The following CAPN8 variants were observed in gnomAD, a reference collection of about 807,000 sequenced individuals.
CAPN8 encodes the protein calpain-8.
CAPN8 carries 87 observed loss-of-function variants against 80.9 expected under a neutral mutation model. The ratio of observed to expected loss-of-function variants is 1.07; its 90% CI spans 0.90 to 1.28. CAPN8 has a LOEUF of 1.28. Ranked by LOEUF, CAPN8 falls within the 50% of genes most tolerant of loss-of-function variation. CAPN8 has a pLI of 0.00. For synonymous variants in CAPN8, 299 were observed against 273.8 expected (o/e 1.09, Z -0.91); for missense variants, 757 against 702.0 (o/e 1.08, Z -0.89).
chr1:223,619,237 C>G (rs1220552356), intron 9 of CAPN8, 56 bp downstream of exon 9: 1 of 1,530,928 alleles, frequency 6.5e-7, no homozygotes, highest in Non-Finnish European at 8.8e-7. Flanking sequence ...ATAAAATGAC[C>G]CAGCTCAGGG....
At chr1:223,655,449 G>A (rs961420253) in intron 1 of CAPN8, among the ~76,000 whole-genome samples, 6 of 152,110 alleles carry the variant, frequency 3.9e-5, no homozygotes, top group East Asian at 1.9e-4. Flanking sequence ...TTGAGTGCCC[G>A]TTCTGTATCC....
intron 9 of CAPN8, among the ~76,000 whole-genome samples, chr1:223,618,493 T>C (rs1233221822): frequency 6.6e-6 from 1 of 152,128 alleles, no homozygotes; most frequent in African/African-American, 2.4e-5. Flanking sequence ...AAACACACAG[T>C]GAAACAGCAG....
chr1:223,557,028 G>C (rs951290600), intron 13 of CAPN8, among the ~76,000 whole-genome samples: 1 of 152,120 alleles, frequency 6.6e-6, no homozygotes, highest in African/African-American at 2.4e-5. Flanking sequence ...CCACCAACTC[G>C]AGGCAGGGGG....
At chr1:223,633,123 T>C (rs948331770) in intron 2 of CAPN8, among the ~76,000 whole-genome samples, 2 of 152,216 alleles carry the variant, frequency 1.3e-5, no homozygotes, top group African/African-American at 2.4e-5. Flanking sequence ...AGTTTTCTTA[T>C]TATAAAAGAA....
At chr1:223,612,310 C>G (rs993071960) in intron 10 of CAPN8, 53 bp from the exon 11 acceptor site, 1 of 1,232,878 alleles carries the variant, frequency 8.1e-7, no homozygotes, top group Non-Finnish European at 1.0e-6. Flanking sequence ...GGTCCTCCTT[C>G]TGCTCCTTTT....
In CAPN8 at chr1:223,625,882, T is replaced by C. The variant is rs942199576; in HGVS notation, c.736A>G (p.Ser246Gly). Residue 246 changes from serine to glycine, a missense_variant, in exon 6 of 21, where the codon AGT (serine) becomes GGT (glycine). Transcript: ENST00000366872. ...GTGATGGCTTCGGCTTCGGCTGCAC[T>C]GGAGACCTGCGTAGAGAAGAAAGTC... Reference protein sequence around the residue: ...SLLGCSIDVSSAAEAEAITSQ... With the variant: ...SLLGCSIDVSGAAEAEAITSQ... 2 of 1,551,168 alleles carry C rather than the reference T, an allele frequency of 1.3e-6. No homozygotes were observed. Among genetic ancestry groups the C allele is most frequent in the Non-Finnish European group, 1.7e-6 (2 of 1,146,644 alleles).
intron 1 of CAPN8, 119 bp from the exon 2 acceptor site, chr1:223,654,518 G>T (rs1266931193): frequency 3.6e-6 from 3 of 839,080 alleles, no homozygotes; most frequent in African/African-American, 1.7e-5. Context: ...ATTGTCTACT[G>T]CCCATCACAT....
intron 2 of CAPN8, among the ~76,000 whole-genome samples, chr1:223,635,091 T>G (rs897494331): frequency 2.0e-5 from 3 of 152,236 alleles, no homozygotes; most frequent in African/African-American, 7.2e-5. Context: ...ATGTAAAGAT[T>G]TTGACCCTGC....
chr1:223,626,812 T>G (rs562653873), intron 5 of CAPN8, among the ~76,000 whole-genome samples, 177 bp downstream of exon 5: 1 of 152,036 alleles, frequency 6.6e-6, no homozygotes, highest in Non-Finnish European at 1.5e-5. Flanking sequence ...ACTAATTAGG[T>G]CTTCACCAGC....
intron 19 of CAPN8, 38 bp downstream of exon 19, chr1:223,544,029 G>A: frequency 1.4e-6 from 1 of 715,928 alleles, no homozygotes; most frequent in Non-Finnish European, 2.6e-6. Flanking sequence ...TTGCACCTTG[G>A]GATTAATAGG....
At chr1:223,635,643 A>T (rs1194565384) in intron 2 of CAPN8, among the ~76,000 whole-genome samples, 2 of 139,434 alleles carry the variant, frequency 1.4e-5, no homozygotes, top group Non-Finnish European at 3.1e-5. Context: ...TAAAATTCTT[A>T]CTGACTGAAT....
rs1033440988 is a variant in CAPN8 at position 223,549,348 on chromosome 1, G to T, written c.1734C>A (p.Asn578Lys). The T allele has an allele frequency of 6.4e-7, 1 of 1,551,674 alleles. No homozygotes were observed. The highest frequency in any genetic ancestry group is 1.4e-5 in the African/African-American group (1 of 73,000). The change falls in exon 16 of 21, where the codon AAC becomes AAA. Residue 578 changes from asparagine to lysine, a missense_variant. Asn to Lys is a moderately conservative substitution (Grantham distance 94). Transcript: ENST00000366872. Reference protein sequence around the residue: ...TDIKFDGFNINTCREMISLLD... With the variant: ...TDIKFDGFNIKTCREMISLLD... ...ACAGACTGATCATTTCCCTGCAAGT[G>T]TTGATGTTGAATCCATCGAATTTTA...
intron 1 of CAPN8, among the ~76,000 whole-genome samples, chr1:223,654,693 T>C (rs1571740237): frequency 6.6e-6 from 1 of 152,078 alleles, no homozygotes; most frequent in Non-Finnish European, 1.5e-5. Flanking sequence ...TTTAAGTTTT[T>C]GAGACAGCGT....
chr1:223,542,284 C>G (rs1656489024), intron 20 of CAPN8, among the ~76,000 whole-genome samples: 2 of 149,628 alleles, frequency 1.3e-5, no homozygotes, highest in East Asian at 3.9e-4. Context: ...TATATATATT[C>G]CTATATGTGC....
At chr1:223,643,011 G>C (rs1658084021) in intron 2 of CAPN8, among the ~76,000 whole-genome samples, 1 of 152,242 alleles carries the variant, frequency 6.6e-6, no homozygotes, top group Non-Finnish European at 1.5e-5. Context: ...AAATATATTT[G>C]AGGCTTATGT....
intron 15 of CAPN8, 68 bp from the exon 16 acceptor site, chr1:223,549,450 G>C (rs567391824): frequency 4.5e-6 from 7 of 1,547,260 alleles, no homozygotes; most frequent in Admixed American, 2.0e-5. Context: ...GAACCTCCAC[G>C]GTAGAAGACC....
Position 223,630,199 on chromosome 1 carries a change from C to G in CAPN8, c.308-1419G>C, listed in dbSNP as rs553699418. Among the ~76,000 whole-genome samples, 45 of 152,208 alleles carry G rather than the reference C, an allele frequency of 3.0e-4. 1 individual carries two copies. Among genetic ancestry groups the G allele is most frequent in the African/African-American group, 1.0e-3 (43 of 41,522 alleles). On this transcript the variant is annotated intron_variant, in intron 2 of 20. Coordinates refer to ENST00000366872, the MANE Select transcript of CAPN8 (RefSeq NM_001143962.2). ...GGCCTCTGTCTGCCTGGATCTTTCC[C>G]AACAAAGTCATTCATGATCTGACCC...
At position 223,628,050 on chromosome 1, in the gene CAPN8, G is replaced by T; in HGVS notation, c.519C>A (p.Gly173=). The stretch of plus-strand genomic sequence containing the variant: ...CCAGCAGGGCACTCCAGAATTCATT[G>T]CCTTGTTCCGAGTGTAGGAAGAGCA... ...GQLLFLHSEQ[G]NEFWSALLEK... The change falls in exon 4 of 21, where the codon GGC becomes GGA. Residue 173 remains glycine (G), a synonymous_variant. Transcript: ENST00000366872. The T allele has an allele frequency of 1.9e-6, 3 of 1,551,264 alleles. No homozygotes were observed. The highest frequency in any genetic ancestry group is 2.6e-6 in the Non-Finnish European group (3 of 1,146,724).
intron 6 of CAPN8, among the ~76,000 whole-genome samples, chr1:223,624,847 C>G (rs1331492466): frequency 6.6e-6 from 1 of 152,134 alleles, no homozygotes; most frequent in Admixed American, 6.5e-5. Flanking sequence ...GTAATCCCAG[C>G]ACTTTGGGAG....
Sources: gnomAD v4.1 joint callset for allele counts (sites outside exome capture counted in the v4.1 genomes callset) on GRCh38, gnomAD v4.1.1 for gene constraint, MANE v1.5 for transcripts, NCBI Gene and HGNC (gene_info 2026-07-23, HGNC 2026-07-21) for gene names.